EDIL3: variants seen among roughly 807,000 people sequenced by gnomAD.
EDIL3 encodes EGF like and discoidin domains 3, also known as EGF-like repeat and discoidin I-like domain-containing protein 3.
A neutral mutation model predicts 67.4 loss-of-function variants in EDIL3; 37 were observed. The ratio of observed to expected loss-of-function variants is 0.55; its 90% confidence interval spans 0.42 to 0.72. EDIL3 has a LOEUF of 0.72. Among genes scored for constraint, EDIL3 ranks in the 30% least tolerant of loss-of-function variants. EDIL3 has a pLI of 0.00. For missense variants in EDIL3, 527 were observed against 586.3 expected, an observed-to-expected ratio of 0.90 and a Z score of 1.04; for synonymous variants, 195 against 196.3, an observed-to-expected ratio of 0.99 and a Z score of 0.05.
At chr5:84,033,703 C>CT (rs1177325196) in intron 9 of EDIL3, among the ~76,000 whole-genome samples, 1 of 61,720 alleles carries the variant, frequency 1.6e-5, no homozygotes, top group African/African-American at 7.6e-5. Flanking sequence ...GACATTGTCT[C>CT]TAAAAAAAAA....
chr5:83,950,821 C>A (rs2112116723), intron 10 of EDIL3, among the ~76,000 whole-genome samples: 1 of 151,836 alleles, frequency 6.6e-6, no homozygotes, highest in African/African-American at 2.4e-5. Flanking sequence ...GCTTATAGGT[C>A]CTTTGAGAAA....
At position 84,271,032 on chromosome 5, in the gene EDIL3, A is replaced by G. The variant is rs188356016; in HGVS notation, c.68-16820T>C. Among the ~76,000 whole-genome samples, 288 of 152,298 alleles carry G rather than the reference A, an allele frequency of 1.9e-3. 1 individual carries two copies. Among genetic ancestry groups the G allele is most frequent in the Middle Eastern group, 3.4e-3 (1 of 294 alleles). ...CGAATTTGTGACACAGTCCTGGTCT[A>G]CCCAATTTATTCTTTAAATTTTATC... On this transcript the variant is annotated intron_variant, in intron 1 of 10. Transcript: ENST00000296591.
chr5:84,037,996 T>G (rs978166312), intron 9 of EDIL3, among the ~76,000 whole-genome samples: 4 of 91,276 alleles, frequency 4.4e-5, no homozygotes, highest in Non-Finnish European at 7.5e-5. Flanking sequence ...TTGTTTTTTT[T>G]TTTTTTTTTT....
intron 3 of EDIL3, among the ~76,000 whole-genome samples, chr5:84,221,953 C>T (rs1282396510): frequency 1.3e-5 from 2 of 151,868 alleles, no homozygotes; most frequent in African/African-American, 4.8e-5. Flanking sequence ...GAATGCACAA[C>T]CAACCCTTGT....
chr5:84,142,729 T>C (rs993221201), intron 4 of EDIL3, among the ~76,000 whole-genome samples: 1 of 152,036 alleles, frequency 6.6e-6, no homozygotes, highest in East Asian at 1.9e-4. Flanking sequence ...AGTAAGTACA[T>C]TGAGGCCCCC....
At chr5:84,372,098 G>T (rs1411421672) in intron 1 of EDIL3, among the ~76,000 whole-genome samples, 1 of 152,064 alleles carries the variant, frequency 6.6e-6, no homozygotes, top group East Asian at 1.9e-4. Context: ...AACGTATGTG[G>T]CGGTATTTTA....
chr5:84,279,479 G>A (rs1745652807), intron 1 of EDIL3, among the ~76,000 whole-genome samples: 1 of 152,124 alleles, frequency 6.6e-6, no homozygotes, highest in Non-Finnish European at 1.5e-5. Context: ...CACTGTATTT[G>A]CTAAACCCAA....
At chr5:84,255,368 G>C (rs575480315) in intron 1 of EDIL3, among the ~76,000 whole-genome samples, 1 of 152,136 alleles carries the variant, frequency 6.6e-6, no homozygotes, top group Non-Finnish European at 1.5e-5. Flanking sequence ...AGACCTTAAG[G>C]ATTGTCCCTG....
chr5:84,318,200 A>C (rs1353769473), intron 1 of EDIL3, among the ~76,000 whole-genome samples: 1 of 152,248 alleles, frequency 6.6e-6, no homozygotes, highest in African/African-American at 2.4e-5. Context: ...CATGGATAGG[A>C]AGAATCAATA....
At chr5:84,277,818 T>C (rs1025051006) in intron 1 of EDIL3, among the ~76,000 whole-genome samples, 1 of 152,180 alleles carries the variant, frequency 6.6e-6, no homozygotes, top group Non-Finnish European at 1.5e-5. Context: ...AGAAATCCTT[T>C]TCAATACAGG....
At chr5:84,081,579 A>G (rs935186298) in intron 6 of EDIL3, among the ~76,000 whole-genome samples, 1 of 152,094 alleles carries the variant, frequency 6.6e-6, no homozygotes, top group African/African-American at 2.4e-5. Flanking sequence ...GCACAATCTC[A>G]GGGGCAGTAA....
At chr5:84,177,838 T>C (rs1388272052) in intron 4 of EDIL3, among the ~76,000 whole-genome samples, 4 of 152,142 alleles carry the variant, frequency 2.6e-5, no homozygotes, top group Admixed American at 6.5e-5. Context: ...ATTGATAAAA[T>C]AGTTGTTAAA....
chr5:83,960,860 C>A (rs1003325340), intron 10 of EDIL3, among the ~76,000 whole-genome samples: 7 of 150,810 alleles, frequency 4.6e-5, no homozygotes, highest in African/African-American at 1.5e-4. Flanking sequence ...AATTTAAATC[C>A]AATTACATTA....
At chr5:84,269,655 A>G (rs1745424019) in intron 1 of EDIL3, among the ~76,000 whole-genome samples, 1 of 152,206 alleles carries the variant, frequency 6.6e-6, no homozygotes, top group African/African-American at 2.4e-5. Flanking sequence ...AATAAACAAT[A>G]AAGTCAGATC....
At chr5:83,949,631 A>G (rs1416209548) in intron 10 of EDIL3, among the ~76,000 whole-genome samples, 3 of 151,858 alleles carry the variant, frequency 2.0e-5, no homozygotes, top group Non-Finnish European at 4.4e-5. Context: ...TGACCATCAT[A>G]TCTTTTTTCT....
At chr5:84,083,219 C>T (rs1269264189) in intron 6 of EDIL3, among the ~76,000 whole-genome samples, 3 of 152,114 alleles carry the variant, frequency 2.0e-5, no homozygotes, top group Admixed American at 6.6e-5. Flanking sequence ...AATTTGAAGT[C>T]AGTGTTTTGC....
chr5:84,086,366 T>C (rs192401842), intron 6 of EDIL3, among the ~76,000 whole-genome samples: 1 of 152,152 alleles, frequency 6.6e-6, no homozygotes, highest in East Asian at 1.9e-4. Flanking sequence ...CCAGGATGGG[T>C]AGCACAGTCC....
intron 9 of EDIL3, among the ~76,000 whole-genome samples, chr5:83,979,036 T>C (rs1744921276): frequency 6.6e-6 from 1 of 152,024 alleles, no homozygotes. Flanking sequence ...AAGATATTCT[T>C]ACAAAAGTCC....
intron 3 of EDIL3, among the ~76,000 whole-genome samples, chr5:84,206,307 T>G (rs1179400504): frequency 6.6e-6 from 1 of 152,042 alleles, no homozygotes; most frequent in Non-Finnish European, 1.5e-5. Context: ...TTCTTTTACA[T>G]TTGCTGAGGA....
Sources: allele counts gnomAD v4.1 joint callset (sites outside exome capture counted in the v4.1 genomes callset), GRCh38; gene constraint gnomAD v4.1.1; transcripts MANE v1.5; gene names NCBI Gene and HGNC (gene_info 2026-07-23, HGNC 2026-07-21).